The following RSRC1 variants were observed in gnomAD, a reference collection of about 807,000 sequenced individuals.
The protein encoded by RSRC1 is serine/Arginine-related protein 53.
In RSRC1, 39 loss-of-function variants were observed where a neutral mutation model predicts 49.1. That is an observed-to-expected ratio of 0.79 (90% CI 0.61 to 1.04). The LOEUF (loss-of-function observed/expected upper bound fraction) is 1.04. Ranked by LOEUF, RSRC1 falls within the 50% of genes least tolerant of loss-of-function variation. The probability of loss-of-function intolerance (pLI) is 0.00; values close to 1 mark genes in which losing one functional copy is unlikely to be tolerated. For synonymous variants in RSRC1, 143 were observed against 130.8 expected (o/e 1.09, Z -0.63); for missense variants, 388 against 402.4 (o/e 0.96, Z 0.31).
At chr3:158,537,850 T>C (rs1442457845) in intron 8 of RSRC1, among the ~76,000 whole-genome samples, 1 of 151,794 alleles carries the variant, frequency 6.6e-6, no homozygotes, top group Non-Finnish European at 1.5e-5. Context: ...TAAATTGTAT[T>C]AATGGCTGTA....
At chr3:158,484,233 G>A (rs1191162218) in intron 7 of RSRC1, among the ~76,000 whole-genome samples, 2 of 152,030 alleles carry the variant, frequency 1.3e-5, no homozygotes, top group Non-Finnish European at 2.9e-5. Context: ...AGAGAAATCA[G>A]GGCTACAAAT....
At chr3:158,208,072 A>T (rs1721448892) in intron 4 of RSRC1, among the ~76,000 whole-genome samples, 1 of 152,298 alleles carries the variant, frequency 6.6e-6, no homozygotes, top group South Asian at 2.1e-4. Flanking sequence ...GCCTTTCCTT[A>T]TAACACTGTG....
At chr3:158,289,621 A>T (rs1726794951) in intron 4 of RSRC1, among the ~76,000 whole-genome samples, 1 of 152,226 alleles carries the variant, frequency 6.6e-6, no homozygotes, top group Non-Finnish European at 1.5e-5. Context: ...CTATAGTAAC[A>T]TAAGAATATT....
At chr3:158,112,849 T>C (rs1012951653) in intron 1 of RSRC1, among the ~76,000 whole-genome samples, 4 of 152,110 alleles carry the variant, frequency 2.6e-5, no homozygotes, top group Admixed American at 6.5e-5. Context: ...CCCAGGTCCA[T>C]GTGTTCTCAA....
intron 4 of RSRC1, among the ~76,000 whole-genome samples, chr3:158,223,665 A>G (rs1722352732): frequency 6.7e-6 from 1 of 150,360 alleles, no homozygotes; most frequent in Non-Finnish European, 1.5e-5. Flanking sequence ...TTTCTTAAAA[A>G]TGTAAGTCAT....
chr3:158,226,372 C>T (rs1722532064), intron 4 of RSRC1, among the ~76,000 whole-genome samples: 1 of 151,900 alleles, frequency 6.6e-6, no homozygotes, highest in African/African-American at 2.4e-5. Flanking sequence ...TTGAAAGTCC[C>T]GGCCACAGTA....
Position 158,143,860 on chromosome 3 carries a change from G to A in RSRC1, c.320+19869G>A, listed in dbSNP as rs534746694. Reference sequence around the variant, plus strand: ...TCATATGGCAATGCCAAAGGCTCTAGTAATCATTAATGGTAAATGTCTGCT... The same window carrying A: ...TCATATGGCAATGCCAAAGGCTCTAATAATCATTAATGGTAAATGTCTGCT... On this transcript the variant is annotated intron_variant, in intron 3 of 9. Coordinates refer to ENST00000611884, the MANE Select transcript of RSRC1 (RefSeq NM_001271838.2). Among the ~76,000 whole-genome samples the A allele has an allele frequency of 2.1e-3, 316 of 152,220 alleles. 1 individual carries two copies. The highest frequency in any genetic ancestry group is 4.8e-3 in the Admixed American group (74 of 15,294).
chr3:158,291,576 A>G (rs1282755201), intron 4 of RSRC1, among the ~76,000 whole-genome samples: 1 of 152,220 alleles, frequency 6.6e-6, no homozygotes, highest in African/African-American at 2.4e-5. Context: ...AATGATGAGA[A>G]AAATTGTCAT....
chr3:158,345,011 G>C (rs1284688065), intron 5 of RSRC1, among the ~76,000 whole-genome samples: 4 of 152,010 alleles, frequency 2.6e-5, no homozygotes. Flanking sequence ...CTGAGGTCGG[G>C]AGTTTGAGAC....
chr3:158,213,564 G>T (rs1371846979), intron 4 of RSRC1, among the ~76,000 whole-genome samples: 1 of 151,918 alleles, frequency 6.6e-6, no homozygotes, highest in Non-Finnish European at 1.5e-5. Flanking sequence ...AGCAAGTGCA[G>T]TTAGGGAAAT....
At chr3:158,240,225 TG>T (rs1275966219) in intron 4 of RSRC1, among the ~76,000 whole-genome samples, 1 of 152,168 alleles carries the variant, frequency 6.6e-6, no homozygotes, top group Non-Finnish European at 1.5e-5. Flanking sequence ...TGGATTTGAA[TG>T]GGAATTCTGC....
At chr3:158,171,686 A>G (rs1341727282) in intron 3 of RSRC1, among the ~76,000 whole-genome samples, 1 of 152,142 alleles carries the variant, frequency 6.6e-6, no homozygotes, top group African/African-American at 2.4e-5. Context: ...GTGGTGGCTC[A>G]CATCTGTAAT....
intron 6 of RSRC1, among the ~76,000 whole-genome samples, chr3:158,454,731 T>G (rs1248963344): frequency 6.6e-6 from 1 of 152,172 alleles, no homozygotes; most frequent in African/African-American, 2.4e-5. Flanking sequence ...TGTATCTCTT[T>G]CGTAAGATTG....
rs570639801 is a variant in RSRC1 at position 158,431,307 on chromosome 3, A to G, written c.584-29628A>G. On this transcript the variant is annotated intron_variant, in intron 6 of 9. Coordinates refer to ENST00000611884, the MANE Select transcript of RSRC1 (RefSeq NM_001271838.2). ...CTAACAAGGAACCTCTGTAATCTCC[A>G]TCTTAACAGCTAACATAAATTTTCT... is the stretch of plus-strand genomic sequence containing the variant. Among the ~76,000 whole-genome samples, 97 of 151,996 alleles carry G rather than the reference A, an allele frequency of 6.4e-4. 1 individual carries two copies. The highest frequency in any genetic ancestry group is 3.4e-3 in the Middle Eastern group (1 of 294).
At chr3:158,409,468 T>G (rs962413340) in intron 6 of RSRC1, among the ~76,000 whole-genome samples, 10 of 152,192 alleles carry the variant, frequency 6.6e-5, no homozygotes, top group African/African-American at 2.2e-4. Context: ...CTATTTATTT[T>G]CTTTATTTGC....
intron 6 of RSRC1, among the ~76,000 whole-genome samples, chr3:158,423,448 G>T (rs1735199899): frequency 6.6e-6 from 1 of 151,948 alleles, no homozygotes; most frequent in African/African-American, 2.4e-5. Flanking sequence ...CTCTGTTTTG[G>T]TACCAGTACC....
At chr3:158,129,288 C>CTTTTTTTTTTTT (rs71144439) in intron 3 of RSRC1, among the ~76,000 whole-genome samples, 66 of 71,042 alleles carry the variant, frequency 9.3e-4, no homozygotes, top group East Asian at 1.5e-3. Flanking sequence ...TTCTTTCTTT[C>CTTTTTTTTTTTT]TTTTTTTTTT....
At chr3:158,236,194 T>C (rs907305142) in intron 4 of RSRC1, among the ~76,000 whole-genome samples, 16 of 152,076 alleles carry the variant, frequency 1.1e-4, no homozygotes, top group African/African-American at 3.6e-4. Context: ...TAATTCAATA[T>C]TGTGAAATTT....
chr3:158,513,023 A>G (rs1409164713), intron 7 of RSRC1, among the ~76,000 whole-genome samples: 3 of 134,126 alleles, frequency 2.2e-5, no homozygotes, highest in Admixed American at 7.6e-5. Flanking sequence ...GGGCTGAGAC[A>G]ATGGGGTTTT....
Sources: gnomAD v4.1 joint callset for allele counts (sites outside exome capture counted in the v4.1 genomes callset) on GRCh38, gnomAD v4.1.1 for gene constraint, MANE v1.5 for transcripts, NCBI Gene and HGNC (gene_info 2026-07-23, HGNC 2026-07-21) for gene names.